TAFA1: variants seen among roughly 807,000 people sequenced by gnomAD.
TAFA1 encodes chemokine-like protein TAFA-1.
TAFA1 carries 4 observed loss-of-function variants against 18.5 expected under a neutral mutation model. That is an observed-to-expected ratio of 0.22 (90% CI 0.11 to 0.49). TAFA1 has a LOEUF of 0.49. Ranked by LOEUF, TAFA1 falls within the 20% of genes least tolerant of loss-of-function variation. The probability of loss-of-function intolerance (pLI) is 0.98; values close to 1 mark genes in which losing one functional copy is unlikely to be tolerated. For synonymous variants in TAFA1, 56 were observed against 55.2 expected, an observed-to-expected ratio of 1.01 and a Z score of -0.06; for missense variants, 147 against 169.0, an observed-to-expected ratio of 0.87 and a Z score of 0.72.
intron 2 of TAFA1, among the ~76,000 whole-genome samples, chr3:68,054,735 G>T (rs2064512758): frequency 6.6e-6 from 1 of 152,212 alleles, no homozygotes; most frequent in South Asian, 2.1e-4. Flanking sequence ...TGCTTTACAG[G>T]CAAAGCTTTG....
chr3:68,104,028 C>G (rs1575617959), intron 2 of TAFA1, among the ~76,000 whole-genome samples: 1 of 152,118 alleles, frequency 6.6e-6, no homozygotes, highest in Admixed American at 6.6e-5. Context: ...CTGACTCATC[C>G]TTTATGTGTC....
intron 2 of TAFA1, among the ~76,000 whole-genome samples, chr3:68,202,521 A>G (rs1032782645): frequency 7.2e-5 from 11 of 151,758 alleles, no homozygotes; most frequent in Admixed American, 7.2e-4. Context: ...AGCACGCTAT[A>G]CTAAAGACTT....
At chr3:68,511,766 C>G (rs940863245) in intron 3 of TAFA1, among the ~76,000 whole-genome samples, 2 of 151,934 alleles carry the variant, frequency 1.3e-5, no homozygotes, top group African/African-American at 4.8e-5. Flanking sequence ...CTGTCAACAT[C>G]ATTTACTTAT....
At chr3:68,190,219 T>C (rs1204763458) in intron 2 of TAFA1, among the ~76,000 whole-genome samples, 3 of 151,912 alleles carry the variant, frequency 2.0e-5, no homozygotes, top group African/African-American at 7.2e-5. Flanking sequence ...TACATTACCC[T>C]GTAGTGAAAG....
intron 2 of TAFA1, among the ~76,000 whole-genome samples, chr3:68,024,833 A>ACACACACACACACAC (rs397978695): frequency 6.6e-6 from 1 of 151,144 alleles, no homozygotes. Flanking sequence ...ACACACACAC[A>ACACACACACACACAC]ATTATACATT....
chr3:68,327,945 T>G (rs1436339282), intron 2 of TAFA1, among the ~76,000 whole-genome samples: 2 of 152,156 alleles, frequency 1.3e-5, no homozygotes, highest in African/African-American at 4.8e-5. Context: ...TTTTATGGTA[T>G]GGAGAAAATT....
intron 2 of TAFA1, among the ~76,000 whole-genome samples, chr3:68,041,186 T>C (rs1296023048): frequency 2.0e-5 from 3 of 152,238 alleles, no homozygotes; most frequent in African/African-American, 7.2e-5. Context: ...TTCCAGTTGC[T>C]CTTCTTCCAC....
chr3:68,063,437 C>T (rs779796473), intron 2 of TAFA1, among the ~76,000 whole-genome samples: 33 of 151,966 alleles, frequency 2.2e-4, no homozygotes, highest in Admixed American at 5.9e-4. Context: ...AAAAAGTTTG[C>T]GCATGGACAA....
At chr3:68,084,516 G>A (rs1436352665) in intron 2 of TAFA1, among the ~76,000 whole-genome samples, 2 of 152,088 alleles carry the variant, frequency 1.3e-5, no homozygotes, top group Non-Finnish European at 2.9e-5. Context: ...ATTAGTCCCC[G>A]GCTGGACATG....
intron 2 of TAFA1, among the ~76,000 whole-genome samples, chr3:68,092,920 C>T (rs1226436939): frequency 2.0e-5 from 3 of 152,120 alleles, no homozygotes; most frequent in Non-Finnish European, 4.4e-5. Context: ...CTGAACAAGG[C>T]TGGCTGGGAA....
chr3:68,281,669 G>A (rs987329164), intron 2 of TAFA1, among the ~76,000 whole-genome samples: 2 of 151,762 alleles, frequency 1.3e-5, no homozygotes, highest in African/African-American at 4.8e-5. Flanking sequence ...CAGATTTCAG[G>A]CTGGTCTCAA....
chr3:68,300,133 C>T (rs2068277296), intron 2 of TAFA1, among the ~76,000 whole-genome samples: 1 of 152,160 alleles, frequency 6.6e-6, no homozygotes, highest in African/African-American at 2.4e-5. Context: ...ACACCATGCA[C>T]CTGGGAAAGT....
intron 2 of TAFA1, among the ~76,000 whole-genome samples, chr3:68,212,738 A>G (rs2066611509): frequency 6.6e-6 from 1 of 152,076 alleles, no homozygotes; most frequent in Admixed American, 6.6e-5. Context: ...TGTCTAAATA[A>G]GGCCAGCCAA....
intron 3 of TAFA1, among the ~76,000 whole-genome samples, chr3:68,503,498 A>G (rs189931762): frequency 2.3e-4 from 35 of 152,268 alleles, no homozygotes; most frequent in African/African-American, 7.7e-4. Flanking sequence ...AGAGATAGAA[A>G]GCAAACTAGA....
intron 2 of TAFA1, among the ~76,000 whole-genome samples, chr3:68,122,494 G>T (rs1286469407): frequency 6.6e-6 from 1 of 152,112 alleles, no homozygotes; most frequent in African/African-American, 2.4e-5. Flanking sequence ...AGATTATATG[G>T]ATCTAGATGT....
intron 2 of TAFA1, among the ~76,000 whole-genome samples, chr3:68,138,026 C>T (rs1025769758): frequency 2.0e-5 from 3 of 151,500 alleles, no homozygotes; most frequent in African/African-American, 2.4e-5. Context: ...ATTTACTTCC[C>T]GAAAATTAGG....
At chr3:68,459,919 G>T (rs917429799) in intron 3 of TAFA1, among the ~76,000 whole-genome samples, 2 of 152,174 alleles carry the variant, frequency 1.3e-5, no homozygotes, top group Non-Finnish European at 2.9e-5. Context: ...TTTAATATTT[G>T]TTCAGATTCA....
chr3:68,416,464 T>G (rs1176698317), intron 2 of TAFA1, among the ~76,000 whole-genome samples: 1 of 152,218 alleles, frequency 6.6e-6, no homozygotes, highest in Non-Finnish European at 1.5e-5. Context: ...AGAAAGTTGA[T>G]TCCTGGTTTC....
At chr3:68,346,718 C>A (rs901994513) in intron 2 of TAFA1, among the ~76,000 whole-genome samples, 11 of 152,208 alleles carry the variant, frequency 7.2e-5, no homozygotes, top group Admixed American at 7.2e-4. Flanking sequence ...ACTTCAGAGG[C>A]TTCAAGCGAC....
Sources: allele counts gnomAD v4.1 joint callset (sites outside exome capture counted in the v4.1 genomes callset), GRCh38; gene constraint gnomAD v4.1.1; transcripts MANE v1.5; gene names NCBI Gene and HGNC (gene_info 2026-07-23, HGNC 2026-07-21).